RBPJ: variants seen among roughly 807,000 people sequenced by gnomAD.
RBPJ encodes recombining binding protein suppressor of hairless.
Under a neutral mutation model 67.8 loss-of-function variants are expected in RBPJ, and 9 were observed. The observed-to-expected ratio is 0.13, with a 90% CI of 0.08 to 0.23. The LOEUF (loss-of-function observed/expected upper bound fraction) is 0.23. RBPJ is among the 10% of genes least tolerant of loss of function. The pLI is 1.00. For synonymous variants in RBPJ, 198 were observed against 203.3 expected (o/e 0.97, Z 0.22); for missense variants, 305 against 595.6 (o/e 0.51, Z 5.08).
intron 1 of RBPJ, among the ~76,000 whole-genome samples, chr4:26,325,273 A>AG (rs1486797439): frequency 2.6e-5 from 4 of 152,198 alleles, no homozygotes; most frequent in African/African-American, 9.6e-5. Flanking sequence ...TGACGTACTG[A>AG]CAGCCTCTTT....
intron 1 of RBPJ, among the ~76,000 whole-genome samples, chr4:26,382,741 A>C (rs969088525): frequency 6.6e-6 from 1 of 152,060 alleles, no homozygotes; most frequent in Non-Finnish European, 1.5e-5. Context: ...GGGTTTTGCT[A>C]TGTTATCCAG....
At chr4:26,231,066 T>C (rs1417948216) in intron 1 of RBPJ, among the ~76,000 whole-genome samples, 1 of 152,108 alleles carries the variant, frequency 6.6e-6, no homozygotes, top group African/African-American at 2.4e-5. Flanking sequence ...AACATAAAAA[T>C]GTGGAGGTAG....
At chr4:26,358,106 A>G (rs1727608377) in intron 1 of RBPJ, among the ~76,000 whole-genome samples, 1 of 151,826 alleles carries the variant, frequency 6.6e-6, no homozygotes, top group African/African-American at 2.4e-5. Flanking sequence ...ATATAATAAA[A>G]TTGAGTTTGA....
At chr4:26,268,763 C>T (rs147589093) in intron 1 of RBPJ, among the ~76,000 whole-genome samples, 272 of 151,788 alleles carry the variant, frequency 1.8e-3, no homozygotes, top group African/African-American at 5.9e-3. Flanking sequence ...GCAGCAGAGG[C>T]GGGAGGAAGG....
chr4:26,218,558 G>T (rs1055141407), intron 1 of RBPJ, among the ~76,000 whole-genome samples: 1 of 152,176 alleles, frequency 6.6e-6, no homozygotes, highest in African/African-American at 2.4e-5. Context: ...GTTCCTAGTT[G>T]GTCCTCTTGC....
Position 26,424,245 on chromosome 4 carries a change from A to G in RBPJ, c.497-97A>G. 1 of 1,150,910 alleles carries G rather than the reference A, an allele frequency of 8.7e-7. No individual in the cohort carries two copies. Among genetic ancestry groups the G allele is most frequent in the Non-Finnish European group, 1.3e-6 (1 of 795,770 alleles). 71.3% of individuals were successfully genotyped at this position (1,150,910 alleles called of 1,614,324 possible). A position where few individuals can be genotyped will look rare whatever the true frequency, so the allele number is the denominator to read the frequency against. On this transcript the variant is annotated intron_variant, in intron 5 of 10. Transcript: ENST00000355476. The surrounding 1 kb of genome is among the most constrained non-coding windows in gnomAD (Gnocchi z 5.3). ...TTTGTCAAACTGTTAAATGATAAGA[A>G]AGAATAATTATACACTGCCAAGCAG... is the stretch of plus-strand genomic sequence containing the variant.
At chr4:26,391,013 T>C (rs1170394700) in intron 2 of RBPJ, among the ~76,000 whole-genome samples, 1 of 152,204 alleles carries the variant, frequency 6.6e-6, no homozygotes, top group Non-Finnish European at 1.5e-5. Flanking sequence ...TCCATGTTTG[T>C]GCCTCTGCAC....
the RBPJ span, chr4:26,113,409 A>G: frequency 1.9e-6 from 1 of 540,014 alleles, no homozygotes; most frequent in Non-Finnish European, 3.6e-6. Flanking sequence ...AAACCCTATG[A>G]ATGTACTGAA....
chr4:26,166,289 C>T (rs1716294271), intron 1 of RBPJ, among the ~76,000 whole-genome samples: 1 of 113,546 alleles, frequency 8.8e-6, no homozygotes, highest in Admixed American at 9.9e-5. Flanking sequence ...TGAGGAATCG[C>T]CACACTGACT....
chr4:26,284,397 A>C (rs1290993456), intron 1 of RBPJ, among the ~76,000 whole-genome samples: 1 of 152,248 alleles, frequency 6.6e-6, no homozygotes. Context: ...TATTGGTAAG[A>C]AACTGACATT....
intron 1 of RBPJ, among the ~76,000 whole-genome samples, chr4:26,341,207 A>G (rs2109397967): frequency 6.6e-6 from 1 of 152,332 alleles, no homozygotes; most frequent in South Asian, 2.1e-4. Context: ...GAGACTGAGA[A>G]AGAGGTGCCA....
At chr4:26,328,540 G>T (rs761387932) in intron 1 of RBPJ, among the ~76,000 whole-genome samples, 25 of 152,302 alleles carry the variant, frequency 1.6e-4, no homozygotes, top group Non-Finnish European at 3.4e-4. Context: ...GGTGAGAGTT[G>T]ATAGGGAGTG....
intron 1 of RBPJ, among the ~76,000 whole-genome samples, chr4:26,374,642 A>AT (rs1406870016): frequency 1.3e-5 from 2 of 151,802 alleles, no homozygotes; most frequent in Non-Finnish European, 2.9e-5. Context: ...TGCCCAGCTA[A>AT]TTTTTGTATT....
upstream of RBPJ, among the ~76,000 whole-genome samples, chr4:26,316,635 G>GATATATATATACACATATTGATAT (rs1722646948): frequency 1.5e-5 from 2 of 131,588 alleles, no homozygotes; most frequent in Non-Finnish European, 3.2e-5. Context: ...TACACATATT[G>GATATATATATACACATATTGATAT]ATATATATAT....
chr4:26,369,914 C>T (rs369078496), intron 1 of RBPJ, among the ~76,000 whole-genome samples: 1 of 152,124 alleles, frequency 6.6e-6, no homozygotes, highest in African/African-American at 2.4e-5. Flanking sequence ...TACATGCAGC[C>T]TGAACAAACC....
intron 1 of RBPJ, among the ~76,000 whole-genome samples, chr4:26,262,509 C>T (rs1188684845): frequency 6.6e-6 from 1 of 152,190 alleles, no homozygotes; most frequent in Non-Finnish European, 1.5e-5. Flanking sequence ...GATAACTTTC[C>T]TGTCCAGTTT....
At chr4:26,303,420 G>A (rs555596329) in intron 1 of RBPJ, among the ~76,000 whole-genome samples, 2 of 129,352 alleles carry the variant, frequency 1.5e-5, no homozygotes, top group South Asian at 2.4e-4. Context: ...AGCTGTGATT[G>A]TGCCACTGCA....
At chr4:26,271,701 C>T (rs1338519031) in intron 1 of RBPJ, among the ~76,000 whole-genome samples, 1 of 152,178 alleles carries the variant, frequency 6.6e-6, no homozygotes, top group Non-Finnish European at 1.5e-5. Flanking sequence ...ACCAAAGTGT[C>T]ATTTTGGGGA....
At chr4:26,199,647 A>T (rs1284191120) in intron 1 of RBPJ, among the ~76,000 whole-genome samples, 1 of 152,190 alleles carries the variant, frequency 6.6e-6, no homozygotes, top group East Asian at 1.9e-4. Flanking sequence ...GGAAATTTTA[A>T]GTTTCTTTAT....
Sources: allele counts gnomAD v4.1 joint callset (sites outside exome capture counted in the v4.1 genomes callset), GRCh38; gene constraint gnomAD v4.1.1; non-coding constraint Gnocchi (gnomAD v3.1); transcripts MANE v1.5; gene names NCBI Gene and HGNC (gene_info 2026-07-23, HGNC 2026-07-21).